TMLHE: variants seen among roughly 807,000 people sequenced by gnomAD.
TMLHE encodes the protein trimethyllysine dioxygenase, mitochondrial.
TMLHE carries 18 observed loss-of-function variants against 25.7 expected under a neutral mutation model. The ratio of observed to expected loss-of-function variants is 0.70; its 90% CI spans 0.48 to 1.04. TMLHE has a LOEUF of 1.04. TMLHE is among the 50% of genes least tolerant of loss of function. The pLI is 0.00. For synonymous variants in TMLHE, 105 were observed against 97.0 expected (o/e 1.08, Z -0.49); for missense variants, 236 against 259.0 (o/e 0.91, Z 0.61).
chrX:155,578,224 G>A (rs1265234709), intron 1 of TMLHE, among the ~76,000 whole-genome samples: 2 of 111,682 alleles, frequency 1.8e-5, no homozygotes, highest in Non-Finnish European at 3.8e-5. Flanking sequence ...CAGATGGCAG[G>A]CCCACAGTGC....
intron 3 of TMLHE, among the ~76,000 whole-genome samples, chrX:155,515,938 G>C (rs1405776792): frequency 9.4e-6 from 1 of 106,791 alleles, no homozygotes. Flanking sequence ...GAAAATGTTT[G>C]CTGACTCCTG....
At position 155,603,341 on chromosome X, in the gene TMLHE, AAAAG is replaced by A. The variant is rs200829347; in HGVS notation, c.-2+9447_-2+9450del. ...CAAGACCCTGTCGAAAGAAAGAAAG[AAAAG>A]AAAGAAGAAAAGAAAAGAAAGAATG... On this transcript the variant is annotated intron_variant, in intron 1 of 7. Transcript: ENST00000334398. 8.3e-4 allele frequency among the ~76,000 whole-genome samples: 82 copies of A among 98,491 alleles called. No individual in the cohort carries two copies. In the East Asian group the frequency reaches 0.014, roughly 17 times the overall value. The allele number at this position is 98,491 out of a possible 115,157, so 85.5% of individuals were successfully genotyped here. A position where few individuals can be genotyped will look rare whatever the true frequency, so the allele number is the denominator to read the frequency against.
chrX:155,529,034 G>GT lies in TMLHE; in HGVS notation c.182-4403dup, dbSNP rs782783626. On this transcript the variant is annotated intron_variant, in intron 2 of 7. Transcript: ENST00000334398. ...CCACATTTTAAGATATTAAGCAATA[G>GT]TTTTTAAAAACTGCTATACCTGTAC... Among the ~76,000 whole-genome samples, 1,118 of 112,314 alleles carry GT rather than the reference G, an allele frequency of 1.0e-2. 11 individuals are homozygous for GT. The highest frequency in any genetic ancestry group is 0.034 in the African/African-American group (1,058 of 30,920).
chrX:155,611,997 G>A (rs938382694), intron 1 of TMLHE: 6 of 111,937 alleles, frequency 5.4e-5, no homozygotes, highest in African/African-American at 1.9e-4. Flanking sequence ...CAGCGACTGA[G>A]TTAAAGCACG....
chrX:155,548,458 G>A (rs1249041342), intron 1 of TMLHE, among the ~76,000 whole-genome samples: 42 of 110,859 alleles, frequency 3.8e-4, no homozygotes, highest in Non-Finnish European at 3.2e-4. Context: ...CCTACAGGCT[G>A]GGCACGGTGG....
intron 4 of TMLHE, among the ~76,000 whole-genome samples, chrX:155,512,817 A>G (rs2067126696): frequency 8.9e-6 from 1 of 111,959 alleles, no homozygotes; most frequent in Non-Finnish European, 1.9e-5. Context: ...GTTAGCAAGT[A>G]TTTAGTGAGA....
intron 5 of TMLHE, among the ~76,000 whole-genome samples, chrX:155,511,438 T>TA (rs1557333531): frequency 1.8e-5 from 2 of 109,387 alleles, no homozygotes; most frequent in Non-Finnish European, 3.8e-5. Flanking sequence ...TTTTTTTTTT[T>TA]ATAAATTACC....
At chrX:155,604,369 C>T (rs1252709899) in intron 1 of TMLHE, among the ~76,000 whole-genome samples, 1 of 109,235 alleles carries the variant, frequency 9.2e-6, no homozygotes, top group African/African-American at 3.3e-5. Context: ...TGTGAGCTCC[C>T]TTCTCCCCCT....
At chrX:155,523,378 T>C (rs1024719772) in intron 3 of TMLHE, among the ~76,000 whole-genome samples, 18 of 111,636 alleles carry the variant, frequency 1.6e-4, no homozygotes, top group African/African-American at 5.8e-4. Flanking sequence ...GGTTCTTTTA[T>C]TTTTTCATTA....
Position 155,542,918 on chromosome X carries a change from G to T in TMLHE, c.181+2178C>A, listed in dbSNP as rs1428862521. 2.7e-5 allele frequency among the ~76,000 whole-genome samples: 3 copies of T among 109,451 alleles called. No individual in the cohort carries two copies. The East Asian group carries it at 8.5e-4, about 31-fold the overall frequency. ...ATAATATGCCCATGTGTGAGGTCCT[G>T]CTTGTTTATTTTAAGGGGTGTGTGT... is the stretch of plus-strand genomic sequence containing the variant. On this transcript the variant is annotated intron_variant, in intron 2 of 7. Transcript: ENST00000334398.
At chrX:155,534,995 T>C (rs782459470) in intron 2 of TMLHE, among the ~76,000 whole-genome samples, 11 of 111,772 alleles carry the variant, frequency 9.8e-5, no homozygotes, top group Non-Finnish European at 1.9e-4. Flanking sequence ...CTCTCCACCA[T>C]GTGAAGATAC....
intron 5 of TMLHE, among the ~76,000 whole-genome samples, chrX:155,508,297 A>G (rs1196043615): frequency 8.9e-6 from 1 of 111,800 alleles, no homozygotes; most frequent in African/African-American, 3.2e-5. Flanking sequence ...AAAAGTAAAA[A>G]GCAAATTAAA....
chrX:155,522,876 C>A (rs1401624071), intron 3 of TMLHE, among the ~76,000 whole-genome samples: 2 of 110,523 alleles, frequency 1.8e-5, no homozygotes, highest in Non-Finnish European at 3.8e-5. Flanking sequence ...GGATAAATGC[C>A]CAGAAGTGTG....
At chrX:155,545,518 T>A (rs1334980507) in intron 1 of TMLHE, among the ~76,000 whole-genome samples, 1 of 111,996 alleles carries the variant, frequency 8.9e-6, no homozygotes, top group Non-Finnish European at 1.9e-5. Flanking sequence ...ACTACCTAAC[T>A]GAAGCAGTGC....
chrX:155,510,356 A>G (rs1237996878), intron 5 of TMLHE, among the ~76,000 whole-genome samples: 3 of 102,470 alleles, frequency 2.9e-5, no homozygotes, highest in African/African-American at 1.1e-4. Context: ...CCACTAACTC[A>G]TCATCTAGCA....
chrX:155,524,129 G>A (rs2067204881), intron 3 of TMLHE: 1 of 167,157 alleles, frequency 6.0e-6, no homozygotes, highest in South Asian at 3.0e-4. Context: ...AATTTTTCTT[G>A]ACTTACTATA....
intron 1 of TMLHE, among the ~76,000 whole-genome samples, chrX:155,582,455 A>G (rs1170937207): frequency 8.9e-6 from 1 of 112,368 alleles, no homozygotes; most frequent in Admixed American, 9.4e-5. Flanking sequence ...AGTATCTACA[A>G]AGAACTTAAA....
intron 1 of TMLHE, among the ~76,000 whole-genome samples, chrX:155,549,510 A>G (rs1298768312): frequency 1.8e-5 from 2 of 110,521 alleles, no homozygotes; most frequent in South Asian, 3.8e-4. Flanking sequence ...ATTCTAGTAA[A>G]GTGGTTAATT....
intron 1 of TMLHE, among the ~76,000 whole-genome samples, chrX:155,546,223 C>T (rs1050682751): frequency 1.8e-5 from 2 of 111,581 alleles, no homozygotes; most frequent in Non-Finnish European, 3.8e-5. Flanking sequence ...CTATTACTAT[C>T]GTTATTACGG....
Sources: gnomAD v4.1 joint callset for allele counts (sites outside exome capture counted in the v4.1 genomes callset) on GRCh38, gnomAD v4.1.1 for gene constraint, MANE v1.5 for transcripts, NCBI Gene and HGNC (gene_info 2026-07-23, HGNC 2026-07-21) for gene names.